Variants in SOAT1 observed in about 807,000 individuals in gnomAD.
SOAT1 encodes the protein sterol O-acyltransferase 1, also known as acyl-coenzyme A:cholesterol acyltransferase 1.
Under a neutral mutation model 69.5 loss-of-function variants are expected in SOAT1, and 55 were observed. The ratio of observed to expected loss-of-function variants is 0.79; its 90% confidence interval spans 0.64 to 0.99. The LOEUF is 0.99. Ranked by LOEUF, SOAT1 falls within the 50% of genes least tolerant of loss-of-function variation. The pLI, the probability that SOAT1 is intolerant of heterozygous loss-of-function variation, is 0.00. For synonymous variants in SOAT1, 231 were observed against 224.7 expected (o/e 1.03, Z -0.25); for missense variants, 580 against 669.3 (o/e 0.87, Z 1.47).
intron 3 of SOAT1, among the ~76,000 whole-genome samples, chr1:179,333,746 T>A (rs58284152): frequency 0.22 from 32,964 of 151,320 alleles, 4,589 homozygotes; most frequent in East Asian, 0.38. Flanking sequence ...GGCAAGAGAA[T>A]TGCTTGAACC....
intron 13 of SOAT1, 72 bp from the exon 14 acceptor site, chr1:179,350,224 T>G: frequency 3.8e-6 from 5 of 1,308,520 alleles, no homozygotes; most frequent in Non-Finnish European, 4.3e-6. Context: ...GCATATAATT[T>G]TACATCCTAT....
At chr1:179,322,078 T>A (rs1421195085) in intron 2 of SOAT1, among the ~76,000 whole-genome samples, 1 of 151,646 alleles carries the variant, frequency 6.6e-6, no homozygotes, top group Non-Finnish European at 1.5e-5. Context: ...AGAGATGGGG[T>A]CTTGCTATGT....
At chr1:179,318,407 C>T (rs1364723180) in intron 2 of SOAT1, among the ~76,000 whole-genome samples, 1 of 152,092 alleles carries the variant, frequency 6.6e-6, no homozygotes, top group Non-Finnish European at 1.5e-5. Context: ...TCATACCTTT[C>T]AAATCCAATT....
chr1:179,313,179 C>T (rs974872663), intron 2 of SOAT1, among the ~76,000 whole-genome samples: 15 of 152,158 alleles, frequency 9.9e-5, no homozygotes, highest in Non-Finnish European at 8.8e-5. Context: ...TGGCCGTGTT[C>T]ATTCTTTTGT....
intron 6 of SOAT1, 37 bp from the exon 7 acceptor site, chr1:179,340,991 C>G: frequency 6.3e-7 from 1 of 1,586,600 alleles, no homozygotes; most frequent in Non-Finnish European, 8.6e-7. Context: ...ATTAAAAATT[C>G]ACCTCTATGT....
At chr1:179,325,275 G>A (rs918910826) in intron 3 of SOAT1, among the ~76,000 whole-genome samples, 2 of 148,952 alleles carry the variant, frequency 1.3e-5, no homozygotes, top group Non-Finnish European at 3.0e-5. Context: ...TCAGCCTCCC[G>A]AGTATTTGGG....
intron 15 of SOAT1, among the ~76,000 whole-genome samples, chr1:179,352,116 T>G (rs1219318215): frequency 6.6e-6 from 1 of 151,994 alleles, no homozygotes; most frequent in Non-Finnish European, 1.5e-5. Context: ...AAATAAACTC[T>G]TGTAAAAATA....
At chr1:179,322,530 C>A (rs1164460180) in intron 2 of SOAT1, among the ~76,000 whole-genome samples, 1 of 152,018 alleles carries the variant, frequency 6.6e-6, no homozygotes, top group Non-Finnish European at 1.5e-5. Context: ...CAAGCCTCTT[C>A]TTTTTATGGT....
At chr1:179,296,377 A>G (rs4652361) in intron 1 of SOAT1, among the ~76,000 whole-genome samples, 41,878 of 152,012 alleles carry the variant, frequency 0.28, 5,989 homozygotes, top group East Asian at 0.46. Flanking sequence ...CGTATCCCCC[A>G]TGGATATGGG....
chr1:179,347,672 G>C lies in SOAT1; in HGVS notation c.1190G>C (p.Arg397Pro). Residue 397 changes from arginine (R) to proline (P), a missense_variant, in exon 12 of 16, where the codon CGC becomes CCC. Physicochemically the swap from Arg to Pro is moderately radical, Grantham distance 103. Coordinates refer to ENST00000367619, the MANE Select transcript of SOAT1 (RefSeq NM_003101.6). The part of the protein sequence containing the change: ...CWLNAFAEML[R>P]FGDRMFYKDW... Reference sequence around the variant, plus strand: ...CTCAATGCCTTTGCTGAGATGTTACGCTTTGGTGACAGGATGTTCTATAAG... The same window carrying C: ...CTCAATGCCTTTGCTGAGATGTTACCCTTTGGTGACAGGATGTTCTATAAG... 6.2e-7 allele frequency: 1 copy of C among 1,611,492 alleles called. No individual in the cohort carries two copies. The highest frequency in any genetic ancestry group is 8.5e-7 in the Non-Finnish European group (1 of 1,178,002).
chr1:179,356,128 AAAAT>A lies in SOAT1; in HGVS notation c.*2488_*2491del, dbSNP rs1267314039. On this transcript the variant is annotated 3_prime_UTR_variant, in exon 16 of 16. Coordinates refer to ENST00000367619, the MANE Select transcript of SOAT1 (RefSeq NM_003101.6). ...TTTTTTCTATTTTGCTATTGTGGCG[AAAAT>A]TATTTTCAGTTATAGGATACTTTTT... 6.6e-6 allele frequency: 1 copy of A among 152,236 alleles called. No homozygotes were observed. The highest frequency in any genetic ancestry group is 1.5e-5 in the Non-Finnish European group (1 of 68,036). 9.4% of individuals were successfully genotyped at this position (152,236 alleles called of 1,614,324 possible). A position where few individuals can be genotyped will look rare whatever the true frequency, so the allele number is the denominator to read the frequency against.
chr1:179,340,569 G>A (rs2248847), intron 6 of SOAT1, among the ~76,000 whole-genome samples: 149,788 of 152,284 alleles, frequency 0.98, 73,720 homozygotes, highest in Middle Eastern at 1. Flanking sequence ...TGAAAATTAA[G>A]TTTGGAGATA....
At chr1:179,304,366 C>A (rs556888286) in intron 2 of SOAT1, among the ~76,000 whole-genome samples, 1 of 151,826 alleles carries the variant, frequency 6.6e-6, no homozygotes, top group African/African-American at 2.4e-5. Flanking sequence ...CAACCTCTGC[C>A]TTCTGGGTTC....
chr1:179,312,780 T>A (rs1463347972), intron 2 of SOAT1, among the ~76,000 whole-genome samples: 2 of 152,258 alleles, frequency 1.3e-5, no homozygotes, highest in Admixed American at 1.3e-4. Context: ...TGGGTTCCAC[T>A]AACCCTTTAC....
At chr1:179,351,969 C>T (rs1019865630) in intron 15 of SOAT1, among the ~76,000 whole-genome samples, 7 of 151,876 alleles carry the variant, frequency 4.6e-5, no homozygotes, top group Non-Finnish European at 8.8e-5. Context: ...CCGCCCACCT[C>T]GGCCTCCCAG....
intron 3 of SOAT1, 115 bp downstream of exon 3, chr1:179,323,610 T>A (rs371390230): frequency 2.5e-6 from 2 of 813,724 alleles, no homozygotes; most frequent in African/African-American, 3.4e-5. Context: ...CATCAGTTGC[T>A]GTTATCCTGT....
intron 15 of SOAT1, among the ~76,000 whole-genome samples, chr1:179,352,630 C>T (rs999878261): frequency 1.6e-5 from 2 of 126,498 alleles, no homozygotes; most frequent in Admixed American, 8.3e-5. Context: ...ATTTGGTGGC[C>T]CTACTAATAA....
intron 1 of SOAT1, among the ~76,000 whole-genome samples, chr1:179,297,712 C>G (rs187606566): frequency 1.5e-5 from 2 of 137,782 alleles, no homozygotes; most frequent in African/African-American, 5.6e-5. Flanking sequence ...TCAACCTGGG[C>G]GACATGGCAT....
intron 1 of SOAT1, among the ~76,000 whole-genome samples, chr1:179,297,883 C>G (rs1369894722): frequency 6.6e-6 from 1 of 151,272 alleles, no homozygotes; most frequent in Non-Finnish European, 1.5e-5. Flanking sequence ...TGGCCTGTAA[C>G]CCCAGCTGCT....
Sources: gnomAD v4.1 joint callset for allele counts (sites outside exome capture counted in the v4.1 genomes callset) on GRCh38, gnomAD v4.1.1 for gene constraint, MANE v1.5 for transcripts, NCBI Gene and HGNC (gene_info 2026-07-23, HGNC 2026-07-21) for gene names.